The following ACOXL variants were observed in gnomAD, a reference collection of about 807,000 sequenced individuals.
ACOXL encodes acyl-CoA oxidase like, also known as acyl-coenzyme A oxidase-like protein.
ACOXL carries 70 observed loss-of-function variants against 71.9 expected under a neutral mutation model. That is an observed-to-expected ratio of 0.97 (90% CI 0.80 to 1.19). The LOEUF (loss-of-function observed/expected upper bound fraction) is 1.19, where lower values mean the gene tolerates loss of function less well. ACOXL is among the 50% of genes most tolerant of loss of function. The pLI, the probability that ACOXL is intolerant of heterozygous loss-of-function variation, is 0.00. For missense variants in ACOXL, 703 were observed against 736.3 expected, an observed-to-expected ratio of 0.95 and a Z score of 0.52; for synonymous variants, 253 against 281.6, an observed-to-expected ratio of 0.90 and a Z score of 1.02.
chr2:110,953,545 A>G (rs1331089871), intron 12 of ACOXL, among the ~76,000 whole-genome samples: 3 of 152,134 alleles, frequency 2.0e-5, no homozygotes, highest in Admixed American at 6.5e-5. Flanking sequence ...AATATGCCCT[A>G]TTCTTACTGA....
At chr2:111,062,530 A>G (rs1041387059) in intron 16 of ACOXL, among the ~76,000 whole-genome samples, 3 of 152,172 alleles carry the variant, frequency 2.0e-5, no homozygotes, top group Non-Finnish European at 4.4e-5. Flanking sequence ...CAAGTGCCCA[A>G]GAACATAAAC....
rs140219483 is a variant in ACOXL at position 110,987,104 on chromosome 2, A to C, written c.1060-4A>C. On this transcript the variant is annotated splice_polypyrimidine_tract_variant and splice_region_variant and intron_variant, in intron 12 of 17. Transcript: ENST00000439055. ...GACTGATGAGCGATAAACTCTTTGCACAGGTTGTGGGGCGGGAACTGCTGG... is the reference window on the plus strand; with the variant it reads ...GACTGATGAGCGATAAACTCTTTGCCCAGGTTGTGGGGCGGGAACTGCTGG... 3.6e-4 allele frequency: 563 copies of C among 1,562,450 alleles called. 1 individual carries two copies. The African/African-American group carries it at 6.9e-3, about 19-fold the overall frequency.
chr2:110,759,223 A>C (rs1680070024), intron 1 of ACOXL, among the ~76,000 whole-genome samples: 1 of 152,002 alleles, frequency 6.6e-6, no homozygotes, highest in East Asian at 1.9e-4. Context: ...TCAGGTCCTA[A>C]ATATCTTTGT....
At chr2:110,905,580 G>A (rs1330446098) in intron 10 of ACOXL, among the ~76,000 whole-genome samples, 1 of 152,154 alleles carries the variant, frequency 6.6e-6, no homozygotes, top group Non-Finnish European at 1.5e-5. Context: ...AACAAATTAG[G>A]ATGCTGATGC....
intron 12 of ACOXL, among the ~76,000 whole-genome samples, chr2:110,985,926 C>T (rs1342117082): frequency 6.6e-6 from 1 of 152,194 alleles, no homozygotes; most frequent in East Asian, 1.9e-4. Flanking sequence ...AAGTTTTCAG[C>T]ATCCCTCTTA....
chr2:110,818,202 C>G (rs929177786), intron 9 of ACOXL, among the ~76,000 whole-genome samples: 2 of 151,604 alleles, frequency 1.3e-5, no homozygotes, highest in African/African-American at 4.8e-5. Flanking sequence ...TGAGACCAGC[C>G]TGGTCAACAT....
intron 2 of ACOXL, among the ~76,000 whole-genome samples, chr2:110,783,756 G>T (rs1333687008): frequency 6.6e-6 from 1 of 152,184 alleles, no homozygotes; most frequent in Non-Finnish European, 1.5e-5. Flanking sequence ...ACAAGCACCA[G>T]TTTTTTTGGG....
chr2:110,855,495 C>G (rs1000787135), intron 10 of ACOXL, among the ~76,000 whole-genome samples: 1 of 152,062 alleles, frequency 6.6e-6, no homozygotes, highest in African/African-American at 2.4e-5. Flanking sequence ...ATGCACCAAA[C>G]AAATCAAAAA....
intron 10 of ACOXL, among the ~76,000 whole-genome samples, chr2:110,900,976 G>T (rs537481664): frequency 6.6e-6 from 1 of 152,172 alleles, no homozygotes; most frequent in Non-Finnish European, 1.5e-5. Context: ...TGGTCTCCAC[G>T]GGGGTCATCC....
intron 10 of ACOXL, among the ~76,000 whole-genome samples, chr2:110,867,777 T>G (rs986802686): frequency 2.0e-5 from 3 of 152,172 alleles, no homozygotes; most frequent in Non-Finnish European, 2.9e-5. Context: ...TTGCTTTTTT[T>G]TTTGAGATGG....
intron 9 of ACOXL, among the ~76,000 whole-genome samples, chr2:110,839,176 C>T (rs983345060): frequency 6.6e-6 from 1 of 151,908 alleles, no homozygotes; most frequent in Non-Finnish European, 1.5e-5. Context: ...TTTCCTCTCC[C>T]TACTCCAGCA....
At chr2:110,789,033 T>C (rs1382936317) in intron 3 of ACOXL, among the ~76,000 whole-genome samples, 2 of 152,196 alleles carry the variant, frequency 1.3e-5, no homozygotes, top group Non-Finnish European at 2.9e-5. Flanking sequence ...TCAAGTCCCT[T>C]TTCTCTCTCT....
intron 15 of ACOXL, among the ~76,000 whole-genome samples, chr2:111,040,779 C>T (rs548285697): frequency 6.6e-6 from 1 of 152,264 alleles, no homozygotes; most frequent in South Asian, 2.1e-4. Flanking sequence ...AGGAGGGAGG[C>T]ATGAAGTGCG....
At position 110,968,237 on chromosome 2, in the gene ACOXL, T is replaced by C. The variant is rs187605142; in HGVS notation, c.1060-18871T>C. The C allele has an allele frequency of 8.3e-6, 9 of 1,078,040 alleles. No individual in the cohort carries two copies. The Admixed American group carries it at 1.0e-4, about 12-fold the overall frequency. 66.8% of individuals were successfully genotyped at this position (1,078,040 alleles called of 1,614,324 possible). A position where few individuals can be genotyped will look rare whatever the true frequency, so the allele number is the denominator to read the frequency against. The stretch of plus-strand genomic sequence containing the variant: ...GGCAATGAATACAATGTGGAAAACA[T>C]TGATGGTCAGCCAAGTGCCTTTACC... On this transcript the variant is annotated intron_variant, in intron 12 of 17. Transcript: ENST00000439055.
chr2:110,882,347 T>G (rs1376682063), intron 10 of ACOXL, among the ~76,000 whole-genome samples: 3 of 152,242 alleles, frequency 2.0e-5, no homozygotes, highest in Admixed American at 2.0e-4. Flanking sequence ...TTAAGAGTTC[T>G]TTATATATTT....
intron 16 of ACOXL, among the ~76,000 whole-genome samples, chr2:111,076,932 C>A (rs2067630836): frequency 6.6e-6 from 1 of 152,166 alleles, no homozygotes; most frequent in African/African-American, 2.4e-5. Flanking sequence ...ACATTGCCTC[C>A]TCCTCTTCTG....
chr2:110,920,110 A>C (rs1479121735), intron 11 of ACOXL, among the ~76,000 whole-genome samples: 1 of 152,190 alleles, frequency 6.6e-6, no homozygotes, highest in Non-Finnish European at 1.5e-5. Flanking sequence ...GTCAAGTGGT[A>C]AGTGTATGTT....
chr2:111,005,203 C>T (rs1427669637), intron 14 of ACOXL, among the ~76,000 whole-genome samples: 1 of 152,160 alleles, frequency 6.6e-6, no homozygotes, highest in African/African-American at 2.4e-5. Context: ...ATAAGACTCA[C>T]CTGGGAAAGA....
rs114843366 is a variant in ACOXL at position 111,117,132 on chromosome 2, C to G, written c.1543-484C>G. Among the ~76,000 whole-genome samples, 694 of 152,312 alleles carry G rather than the reference C, an allele frequency of 4.6e-3. 6 individuals are homozygous for G. The highest frequency in any genetic ancestry group is 0.016 in the African/African-American group (649 of 41,562). ...AGGCGCTAGTCTGGGGAGACTGGAG[C>G]AGGTCTCTAGTGGTTCACCTGTTCG... is the stretch of plus-strand genomic sequence containing the variant. On this transcript the variant is annotated intron_variant, in intron 17 of 17. Coordinates refer to ENST00000439055, the MANE Select transcript of ACOXL (RefSeq NM_001142807.4).
Sources: allele counts gnomAD v4.1 joint callset (sites outside exome capture counted in the v4.1 genomes callset), GRCh38; gene constraint gnomAD v4.1.1; transcripts MANE v1.5; gene names NCBI Gene and HGNC (gene_info 2026-07-23, HGNC 2026-07-21).